The following ATXN1 variants were observed in gnomAD, a reference collection of about 807,000 sequenced individuals.
ATXN1 encodes ataxin-1.
In ATXN1, 8 loss-of-function variants were observed where a neutral mutation model predicts 56.4. The observed-to-expected ratio is 0.14, with a 90% CI of 0.08 to 0.26. The LOEUF (loss-of-function observed/expected upper bound fraction) is 0.26, where lower values mean the gene tolerates loss of function less well. Ranked by LOEUF, ATXN1 falls within the 10% of genes least tolerant of loss-of-function variation. The pLI is 1.00. For synonymous variants in ATXN1, 514 were observed against 494.6 expected, an observed-to-expected ratio of 1.04 and a Z score of -0.52; for missense variants, 987 against 1,106.5, an observed-to-expected ratio of 0.89 and a Z score of 1.53.
At chr6:16,409,520 G>A (rs1758754710) in intron 6 of ATXN1, among the ~76,000 whole-genome samples, 1 of 152,014 alleles carries the variant, frequency 6.6e-6, no homozygotes. Context: ...TGGCGTGGTG[G>A]CTCACGCCTG....
intron 5 of ATXN1, among the ~76,000 whole-genome samples, chr6:16,518,877 A>G (rs540138357): frequency 3.1e-4 from 47 of 152,318 alleles, no homozygotes; most frequent in African/African-American, 1.1e-3. Flanking sequence ...GGTATATGCT[A>G]TGGTCAGTAG....
intron 4 of ATXN1, among the ~76,000 whole-genome samples, chr6:16,574,267 G>A (rs566908901): frequency 6.4e-4 from 98 of 152,166 alleles, no homozygotes; most frequent in Non-Finnish European, 1.2e-3. Flanking sequence ...ATGCAGTGGC[G>A]CGATCTCGGC....
chr6:16,671,480 C>A (rs1001378585), intron 2 of ATXN1, among the ~76,000 whole-genome samples: 1 of 152,118 alleles, frequency 6.6e-6, no homozygotes, highest in Non-Finnish European at 1.5e-5. Flanking sequence ...GTGTCTATTT[C>A]TGAAGTGAAA....
intron 3 of ATXN1, among the ~76,000 whole-genome samples, chr6:16,645,876 C>T (rs1763790720): frequency 6.6e-6 from 1 of 152,042 alleles, no homozygotes; most frequent in South Asian, 2.1e-4. Flanking sequence ...GAGTATTCAC[C>T]ATACTGACAG....
intron 2 of ATXN1, chr6:16,750,140 C>T (rs1760666236): frequency 6.6e-6 from 1 of 152,228 alleles, no homozygotes; most frequent in African/African-American, 2.4e-5. Context: ...TTCTGAATTC[C>T]TTCACTGTTA....
intron 2 of ATXN1, chr6:16,739,662 C>A (rs1410777398): frequency 5.3e-6 from 2 of 375,878 alleles, no homozygotes; most frequent in South Asian, 3.8e-5. Context: ...ACTAAGCCTG[C>A]GCCAGCTCAA....
At chr6:16,373,521 T>C (rs953828420) in intron 6 of ATXN1, among the ~76,000 whole-genome samples, 1 of 152,204 alleles carries the variant, frequency 6.6e-6, no homozygotes, top group African/African-American at 2.4e-5. Flanking sequence ...ATGATATAGT[T>C]TGGCTGTGTC....
rs368177189 is a variant in ATXN1 at position 16,760,471 on chromosome 6, G to A, written c.-730+827C>T. On this transcript the variant is annotated intron_variant, in intron 1 of 7. Coordinates refer to ENST00000436367, the MANE Select transcript of ATXN1 (RefSeq NM_001128164.2). The surrounding 1 kb of genome is among the most constrained non-coding windows in gnomAD (Gnocchi z 5.3). ...CGGCCGCACCAACAGGGCGGCGGTG[G>A]CGGCGGCGGCCAGGGCCGTCACCGC... 1.3e-5 allele frequency among the ~76,000 whole-genome samples: 2 copies of A among 150,710 alleles called. No individual in the cohort carries two copies. Among genetic ancestry groups the A allele is most frequent in the East Asian group, 4.0e-4 (2 of 5,020 alleles).
intron 3 of ATXN1, among the ~76,000 whole-genome samples, chr6:16,649,130 T>C (rs555105213): frequency 2.0e-5 from 3 of 152,138 alleles, no homozygotes; most frequent in South Asian, 2.1e-4. Context: ...TTTAGTGGTG[T>C]TTTTGACATG....
At position 16,672,004 on chromosome 6, in the gene ATXN1, A is replaced by G. The variant is rs146701646; in HGVS notation, c.-614-14103T>C. Among the ~76,000 whole-genome samples, 48 of 152,360 alleles carry G rather than the reference A, an allele frequency of 3.2e-4. No individual in the cohort carries two copies. The East Asian group carries it at 8.1e-3, about 26-fold the overall frequency. On this transcript the variant is annotated intron_variant, in intron 2 of 7. Transcript: ENST00000436367. Reference sequence around the variant, plus strand: ...AGCAGTGTTTCTCCAAGTGTGAGCCAAGGACCTTTTATGTTAAATGAATCA... The same window carrying G: ...AGCAGTGTTTCTCCAAGTGTGAGCCGAGGACCTTTTATGTTAAATGAATCA...
In ATXN1 at chr6:16,522,642, C is replaced by A. The variant is rs73724887; in HGVS notation, c.-314G>T. The A allele has an allele frequency of 2.0e-5, 3 of 152,016 alleles. No homozygotes were observed. Among genetic ancestry groups the A allele is most frequent in the South Asian group, 4.1e-4 (2 of 4,824 alleles). The allele number at this position is 152,016 out of a possible 1,614,324, so 9.4% of individuals were successfully genotyped here. On this transcript the variant is annotated 5_prime_UTR_variant, in exon 5 of 8. Transcript: ENST00000436367. ...GATCACTCACCCTATGAAAACAGCACGTCGATTTCTTTCTCACGAAGAAAA... is the reference window on the plus strand; with the variant it reads ...GATCACTCACCCTATGAAAACAGCAAGTCGATTTCTTTCTCACGAAGAAAA...
intron 6 of ATXN1, among the ~76,000 whole-genome samples, chr6:16,413,709 G>C (rs1273109205): frequency 6.6e-6 from 1 of 152,150 alleles, no homozygotes; most frequent in African/African-American, 2.4e-5. Context: ...TTTGTGACAT[G>C]ATGTTTGGGT....
intron 6 of ATXN1, among the ~76,000 whole-genome samples, chr6:16,402,509 G>A (rs1758598914): frequency 6.6e-6 from 1 of 151,996 alleles, no homozygotes; most frequent in Admixed American, 6.6e-5. Flanking sequence ...CAACCCACAA[G>A]CCAAGAACAA....
intron 3 of ATXN1, among the ~76,000 whole-genome samples, chr6:16,607,011 C>G (rs1037018677): frequency 2.6e-5 from 4 of 152,034 alleles, no homozygotes; most frequent in African/African-American, 9.7e-5. Flanking sequence ...CTCAGCCTCC[C>G]AAGTAGCTGG....
At chr6:16,746,308 T>C (rs1215432096) in intron 2 of ATXN1, among the ~76,000 whole-genome samples, 2 of 152,144 alleles carry the variant, frequency 1.3e-5, no homozygotes, top group Non-Finnish European at 2.9e-5. Context: ...ATAATTGCAA[T>C]GAATCAAGAG....
intron 4 of ATXN1, among the ~76,000 whole-genome samples, chr6:16,566,649 C>G (rs1004182395): frequency 3.3e-5 from 5 of 152,090 alleles, no homozygotes; most frequent in South Asian, 2.1e-4. Context: ...GTCAGGAGAT[C>G]AAGACCATCC....
At chr6:16,606,888 T>TGTGTGTGTGTGTGTGTGTGTGTG (rs145108851) in intron 3 of ATXN1, among the ~76,000 whole-genome samples, 13 of 147,010 alleles carry the variant, frequency 8.8e-5, no homozygotes, top group East Asian at 2.1e-4. Context: ...TGTGTGTGTG[T>TGTGTGTGTGTGTGTGTGTGTGTG]TGTTTGTTTG....
chr6:16,699,992 C>T (rs1019066120), intron 2 of ATXN1, among the ~76,000 whole-genome samples: 2 of 152,060 alleles, frequency 1.3e-5, no homozygotes, highest in African/African-American at 4.8e-5. Flanking sequence ...TAAAATGATC[C>T]GCTGAATGAA....
At chr6:16,640,064 A>G (rs144426523) in intron 3 of ATXN1, among the ~76,000 whole-genome samples, 189 of 151,068 alleles carry the variant, frequency 1.3e-3, no homozygotes, top group African/African-American at 4.4e-3. Flanking sequence ...CAGATACTGC[A>G]TTTTTTTTTC....
Sources: gnomAD v4.1 joint callset for allele counts (sites outside exome capture counted in the v4.1 genomes callset) on GRCh38, gnomAD v4.1.1 for gene constraint, Gnocchi (gnomAD v3.1) non-coding constraint, MANE v1.5 for transcripts, NCBI Gene and HGNC (gene_info 2026-07-23, HGNC 2026-07-21) for gene names.